CALCRL: variants seen among roughly 807,000 people sequenced by gnomAD.
CALCRL encodes the protein calcitonin receptor like receptor, also known as calcitonin gene-related peptide type 1 receptor.
CALCRL carries 27 observed loss-of-function variants against 60.4 expected under a neutral mutation model. The observed-to-expected ratio is 0.45, with a 90% confidence interval of 0.33 to 0.62. The LOEUF (loss-of-function observed/expected upper bound fraction) is 0.62. Ranked by LOEUF, CALCRL falls within the 20% of genes least tolerant of loss-of-function variation. The pLI is 0.03. For missense variants in CALCRL, 424 were observed against 540.7 expected, an observed-to-expected ratio of 0.78 and a Z score of 2.14; for synonymous variants, 190 against 182.6, an observed-to-expected ratio of 1.04 and a Z score of -0.33.
intron 9 of CALCRL, among the ~76,000 whole-genome samples, chr2:187,361,984 A>C (rs1404844015): frequency 6.6e-6 from 1 of 152,014 alleles, no homozygotes; most frequent in Non-Finnish European, 1.5e-5. Context: ...ATAGTCTACT[A>C]TATGGAGAGA....
intron 2 of CALCRL, 80 bp downstream of exon 2, chr2:187,387,586 T>C: frequency 5.2e-6 from 2 of 382,048 alleles, no homozygotes; most frequent in Non-Finnish European, 9.2e-6. Flanking sequence ...AGTCAGTTTA[T>C]TTAATTCAGT....
intron 14 of CALCRL, among the ~76,000 whole-genome samples, chr2:187,349,431 T>G (rs797009132): frequency 1.3e-5 from 2 of 151,726 alleles, no homozygotes; most frequent in Non-Finnish European, 3.0e-5. Context: ...GCAAATGATT[T>G]TAAGAAGTAC....
At chr2:187,442,881 G>A (rs148564361) in intron 1 of CALCRL, among the ~76,000 whole-genome samples, 6,098 of 151,822 alleles carry the variant, frequency 0.04, 179 homozygotes, top group South Asian at 0.12. Context: ...AGTAATGAGA[G>A]GTCTAATAAT....
At chr2:187,352,458 A>G in intron 12 of CALCRL, 126 bp from the exon 13 acceptor site, 1 of 601,032 alleles carries the variant, frequency 1.7e-6, no homozygotes, top group Non-Finnish European at 3.0e-6. Flanking sequence ...TTTAAAGGGT[A>G]TTATTGCCTA....
chr2:187,375,284 A>G (rs1687707307), intron 8 of CALCRL, among the ~76,000 whole-genome samples: 1 of 151,466 alleles, frequency 6.6e-6, no homozygotes, highest in Non-Finnish European at 1.5e-5. Context: ...GTCTCAAAAA[A>G]AAAAAAAAAA....
At chr2:187,399,687 G>C (rs771121452) in intron 1 of CALCRL, among the ~76,000 whole-genome samples, 2 of 151,466 alleles carry the variant, frequency 1.3e-5, no homozygotes, top group African/African-American at 2.4e-5. Context: ...GGGCAGAGAA[G>C]ATATGGAGTC....
intron 1 of CALCRL, among the ~76,000 whole-genome samples, chr2:187,446,417 C>T (rs1042066172): frequency 2.0e-5 from 3 of 151,510 alleles, no homozygotes; most frequent in Non-Finnish European, 4.4e-5. Context: ...GATTATAAAC[C>T]ATACTGTTAG....
In CALCRL at chr2:187,359,272, C is replaced by A; in HGVS notation, c.782G>T (p.Gly261Val). 2 of 1,516,482 alleles carry A rather than the reference C, an allele frequency of 1.3e-6. No individual in the cohort carries two copies. The highest frequency in any genetic ancestry group is 8.8e-7 in the Non-Finnish European group (1 of 1,131,618). The allele number at this position is 1,516,482 out of a possible 1,614,324, so 93.9% of individuals were successfully genotyped here. A position where few individuals can be genotyped will look rare whatever the true frequency, so the allele number is the denominator to read the frequency against. ...HLMWYYFLGW[G>V]FPLIPACIHA... ...TATACAAGCAGGAATCAGTGGAAAT[C>A]CTGTAATAACAAAAAAAAAAGAAAA... Residue 261 changes from glycine (G) to valine (V), a missense_variant and splice_region_variant, in exon 11 of 15, where the codon GGA becomes GTA. This residue lies in a region of CALCRL where 222 missense variants were observed against 265.6 expected (regional missense o/e 0.84). Transcript: ENST00000392370.
At chr2:187,373,433 A>T (rs1051527583) in intron 8 of CALCRL, among the ~76,000 whole-genome samples, 2 of 152,336 alleles carry the variant, frequency 1.3e-5, no homozygotes, top group Admixed American at 1.3e-4. Flanking sequence ...TTTTTCTAAC[A>T]TAATTATTAA....
intron 8 of CALCRL, among the ~76,000 whole-genome samples, chr2:187,370,150 A>T (rs1281562145): frequency 6.6e-6 from 1 of 152,142 alleles, no homozygotes; most frequent in Non-Finnish European, 1.5e-5. Context: ...TTGGTTTTTG[A>T]CATCTTAATG....
intron 4 of CALCRL, among the ~76,000 whole-genome samples, chr2:187,384,914 A>T (rs1467133500): frequency 6.6e-6 from 1 of 152,198 alleles, no homozygotes; most frequent in Non-Finnish European, 1.5e-5. Flanking sequence ...AATTAAGTGT[A>T]TGAAGTATGT....
At chr2:187,363,281 A>G (rs1687138549) in intron 9 of CALCRL, 95 bp downstream of exon 9, 1 of 1,165,864 alleles carries the variant, frequency 8.6e-7, no homozygotes, top group Admixed American at 2.7e-5. Flanking sequence ...ATATACATAT[A>G]TGTGTACTTA....
At chr2:187,368,375 T>G (rs748004352) in intron 8 of CALCRL, among the ~76,000 whole-genome samples, 24 of 152,082 alleles carry the variant, frequency 1.6e-4, no homozygotes, top group South Asian at 4.2e-4. Context: ...ATGTTTTAAG[T>G]AACTCAATCA....
At chr2:187,362,452 A>G (rs776596199) in intron 9 of CALCRL, among the ~76,000 whole-genome samples, 1 of 152,044 alleles carries the variant, frequency 6.6e-6, no homozygotes, top group East Asian at 1.9e-4. Context: ...GAATTTTGAA[A>G]ATTACTCTAA....
In CALCRL at chr2:187,421,789, T is replaced by C. The variant is rs370770522; in HGVS notation, c.-293+26250A>G. On this transcript the variant is annotated intron_variant, in intron 1 of 14. Coordinates refer to ENST00000392370, the MANE Select transcript of CALCRL (RefSeq NM_005795.6). ...CAGCTGTCTAGAAGCTCCAAACCAGTTCAGTGTCCAGTAAGCATAGACACC... is the reference window on the plus strand; with the variant it reads ...CAGCTGTCTAGAAGCTCCAAACCAGCTCAGTGTCCAGTAAGCATAGACACC... Among the ~76,000 whole-genome samples the C allele has an allele frequency of 7.9e-4, 121 of 152,274 alleles. 1 individual carries two copies. The highest frequency in any genetic ancestry group is 6.8e-3 in the Middle Eastern group (2 of 294).
intron 1 of CALCRL, among the ~76,000 whole-genome samples, chr2:187,412,073 G>A (rs1031799171): frequency 6.6e-6 from 1 of 151,908 alleles, no homozygotes; most frequent in African/African-American, 2.4e-5. Context: ...GAGATGCAGA[G>A]GAGGAACAGG....
At position 187,368,798 on chromosome 2, in the gene CALCRL, A is replaced by C. The variant is rs941498918; in HGVS notation, c.501-5296T>G. 5.3e-5 allele frequency among the ~76,000 whole-genome samples: 8 copies of C among 152,218 alleles called. No individual in the cohort carries two copies. In the East Asian group the frequency reaches 9.7e-4, roughly 18 times the overall value. On this transcript the variant is annotated intron_variant, in intron 8 of 14. Transcript: ENST00000392370. ...TCCAAATTCTCAGATCTTTTCCCCCAAAAAACACTAGCAACATATCCAAAA... is the reference window on the plus strand; with the variant it reads ...TCCAAATTCTCAGATCTTTTCCCCCCAAAAACACTAGCAACATATCCAAAA...
At chr2:187,391,641 T>A (rs1455304491) in intron 1 of CALCRL, among the ~76,000 whole-genome samples, 1 of 152,144 alleles carries the variant, frequency 6.6e-6, no homozygotes, top group Non-Finnish European at 1.5e-5. Context: ...TTTTCCTTTT[T>A]AAAAATTAAA....
At chr2:187,406,603 A>AT (rs1355233005) in intron 1 of CALCRL, among the ~76,000 whole-genome samples, 1 of 151,988 alleles carries the variant, frequency 6.6e-6, no homozygotes, top group Non-Finnish European at 1.5e-5. Context: ...TGTATATGTT[A>AT]TTTTTATCTA....
Sources: gnomAD v4.1 joint callset for allele counts (sites outside exome capture counted in the v4.1 genomes callset) on GRCh38, gnomAD v4.1.1 for gene constraint, gnomAD v4.1.1 regional missense constraint, MANE v1.5 for transcripts, NCBI Gene and HGNC (gene_info 2026-07-23, HGNC 2026-07-21) for gene names.